The following KALRN variants were observed in gnomAD, a reference collection of about 807,000 sequenced individuals.
The protein encoded by KALRN is kalirin RhoGEF kinase, also known as kalirin.
Under a neutral mutation model 353.7 loss-of-function variants are expected in KALRN, and 70 were observed. The ratio of observed to expected loss-of-function variants is 0.20; its 90% CI spans 0.16 to 0.24. The LOEUF (loss-of-function observed/expected upper bound fraction) is 0.24. KALRN is among the 10% of genes least tolerant of loss of function. KALRN has a pLI of 1.00. For synonymous variants in KALRN, 1,391 were observed against 1,434.8 expected, an observed-to-expected ratio of 0.97 and a Z score of 0.69; for missense variants, 2,791 against 3,756.7, an observed-to-expected ratio of 0.74 and a Z score of 6.72.
Position 124,157,584 on chromosome 3 carries a change from A to T in KALRN, c.74-70406A>T, listed in dbSNP as rs1225207376. On this transcript the variant is annotated intron_variant, in intron 1 of 59. Coordinates refer to ENST00000682506, the MANE Select transcript of KALRN (RefSeq NM_001388419.1). ...GATTCAATGTATAAATACCTTTAAG[A>T]AGTTACACGCAGAGGGAGTTTAGTT... Among the ~76,000 whole-genome samples, 3 of 152,254 alleles carry T rather than the reference A, an allele frequency of 2.0e-5. 1 individual carries two copies. The highest frequency in any genetic ancestry group is 2.0e-4 in the Admixed American group (3 of 15,286).
rs551373940 is a variant in KALRN, at chr3:124,456,554, G to GT, written c.3736-55dup. On this transcript the variant is annotated intron_variant, in intron 22 of 59. Coordinates refer to ENST00000682506, the MANE Select transcript of KALRN (RefSeq NM_001388419.1). ...CCTTTTACCACCTCCCTCAACTCCA[G>GT]TGAGTTGCTTTCCCAAAGCATCACA... 1.5e-4 allele frequency: 189 copies of GT among 1,251,360 alleles called. 1 individual carries two copies. In the South Asian group the frequency reaches 2.4e-3, roughly 16 times the overall value. The allele number at this position is 1,251,360 out of a possible 1,614,324, so 77.5% of individuals were successfully genotyped here. A position where few individuals can be genotyped will look rare whatever the true frequency, so the allele number is the denominator to read the frequency against.
chr3:124,611,793 G>T (rs1415051125), intron 34 of KALRN, among the ~76,000 whole-genome samples: 1 of 152,110 alleles, frequency 6.6e-6, no homozygotes, highest in Non-Finnish European at 1.5e-5. Context: ...CACCAGCTGC[G>T]CTCCAGCCAC....
intron 34 of KALRN, among the ~76,000 whole-genome samples, chr3:124,605,584 A>AGAGAGAGAGAGAGAGAGAGAG (rs377624275): frequency 3.9e-4 from 52 of 132,224 alleles, no homozygotes; most frequent in African/African-American, 1.7e-3. Context: ...AAAAAAAAAA[A>AGAGAGAGAGAGAGAGAGAGAG]AAAGAGAGAG....
At chr3:124,112,220 T>C in intron 1 of KALRN, among the ~76,000 whole-genome samples, 1 of 151,350 alleles carries the variant, frequency 6.6e-6, no homozygotes, top group Admixed American at 6.6e-5. Flanking sequence ...TGAGAATCGC[T>C]TGAACCCGGG....
intron 51 of KALRN, among the ~76,000 whole-genome samples, chr3:124,684,038 T>C (rs2061451884): frequency 1.3e-5 from 2 of 152,226 alleles, no homozygotes; most frequent in Non-Finnish European, 2.9e-5. Context: ...TTCACAATGT[T>C]ATACCACCAT....
intron 43 of KALRN, among the ~76,000 whole-genome samples, chr3:124,660,680 C>CAA (rs5852424): frequency 0.19 from 17,816 of 93,560 alleles, 1,850 homozygotes; most frequent in Middle Eastern, 0.29. Flanking sequence ...GACTATGTCT[C>CAA]AAAAAAAAAA....
chr3:124,253,629 G>C (rs1350272738), intron 3 of KALRN, among the ~76,000 whole-genome samples: 1 of 152,188 alleles, frequency 6.6e-6, no homozygotes, highest in African/African-American at 2.4e-5. Context: ...TTCTCTGTCA[G>C]CCACTCCTCA....
intron 1 of KALRN, among the ~76,000 whole-genome samples, chr3:124,060,168 A>G (rs1214155483): frequency 2.0e-5 from 3 of 152,070 alleles, no homozygotes; most frequent in Non-Finnish European, 4.4e-5. Flanking sequence ...TAGAGTCTGT[A>G]TCAGGGAGTC....
At chr3:124,705,798 C>CCCTCCCTTCCTTCCTTCCTT (rs1014349628) in intron 57 of KALRN, among the ~76,000 whole-genome samples, 1 of 145,134 alleles carries the variant, frequency 6.9e-6, no homozygotes, top group Non-Finnish European at 1.5e-5. Context: ...AAAGACTGGT[C>CCCTCCCTTCCTTCCTTCCTT]CCTCCCTTCC....
intron 1 of KALRN, among the ~76,000 whole-genome samples, chr3:124,196,760 A>C (rs2075478032): frequency 6.6e-6 from 1 of 152,214 alleles, no homozygotes; most frequent in African/African-American, 2.4e-5. Context: ...TTTTAATGAC[A>C]CAATAGTATT....
At chr3:124,313,384 C>A (rs892666083) in intron 6 of KALRN, among the ~76,000 whole-genome samples, 1 of 152,230 alleles carries the variant, frequency 6.6e-6, no homozygotes, top group Non-Finnish European at 1.5e-5. Context: ...CATGTATACC[C>A]AGCCAGACCT....
intron 1 of KALRN, among the ~76,000 whole-genome samples, chr3:124,219,233 C>A (rs1293408449): frequency 1.3e-5 from 2 of 152,074 alleles, no homozygotes; most frequent in East Asian, 1.9e-4. Context: ...TAGAGTCTAG[C>A]GAGGGAGCCA....
At chr3:124,547,159 AAAT>A (rs527591563) in intron 33 of KALRN, among the ~76,000 whole-genome samples, 79 of 152,088 alleles carry the variant, frequency 5.2e-4, no homozygotes, top group African/African-American at 1.9e-3. Context: ...AATTTATTTT[AAAT>A]TTTATTTATT....
At chr3:124,407,326 A>G (rs1168488510) in intron 13 of KALRN, among the ~76,000 whole-genome samples, 2 of 151,868 alleles carry the variant, frequency 1.3e-5, no homozygotes, top group Non-Finnish European at 2.9e-5. Context: ...TTATATATAT[A>G]TATATATTTG....
chr3:124,062,166 A>T (rs2042042934), intron 1 of KALRN, among the ~76,000 whole-genome samples: 1 of 152,218 alleles, frequency 6.6e-6, no homozygotes, highest in South Asian at 2.1e-4. Flanking sequence ...CTATGAAAGG[A>T]CATCCTTTGT....
intron 51 of KALRN, among the ~76,000 whole-genome samples, chr3:124,692,232 G>T (rs2061850311): frequency 6.6e-6 from 1 of 152,212 alleles, no homozygotes; most frequent in Admixed American, 6.5e-5. Flanking sequence ...GCTAAGCAGA[G>T]GTGTAAGTGG....
chr3:124,643,059 C>T (rs1461851158), intron 37 of KALRN, among the ~76,000 whole-genome samples: 3 of 151,972 alleles, frequency 2.0e-5, no homozygotes, highest in Non-Finnish European at 2.9e-5. Flanking sequence ...TCACGTGATC[C>T]GCCTGCCTCG....
intron 1 of KALRN, among the ~76,000 whole-genome samples, chr3:124,077,856 G>C (rs933979243): frequency 1.3e-5 from 2 of 152,204 alleles, no homozygotes; most frequent in African/African-American, 4.8e-5. Context: ...TGGTCATAAG[G>C]CTGGCCTGGG....
intron 51 of KALRN, among the ~76,000 whole-genome samples, chr3:124,686,834 A>G (rs1248665931): frequency 3.9e-5 from 2 of 51,758 alleles, no homozygotes; most frequent in East Asian, 6.5e-4. Context: ...TTTTTTTTTG[A>G]GACAGGGTCT....
Sources: gnomAD v4.1 joint callset for allele counts (sites outside exome capture counted in the v4.1 genomes callset) on GRCh38, gnomAD v4.1.1 for gene constraint, MANE v1.5 for transcripts, NCBI Gene and HGNC (gene_info 2026-07-23, HGNC 2026-07-21) for gene names.